NTN4: variants seen among roughly 807,000 people sequenced by gnomAD.
The protein encoded by NTN4 is netrin-4.
Under a neutral mutation model 73.6 loss-of-function variants are expected in NTN4, and 32 were observed. The observed-to-expected ratio is 0.44, with a 90% confidence interval of 0.33 to 0.58. The LOEUF is 0.58. Among genes scored for constraint, NTN4 ranks in the 20% least tolerant of loss-of-function variants. The pLI is 0.04. For synonymous variants in NTN4, 258 were observed against 287.5 expected (o/e 0.90, Z 1.04); for missense variants, 654 against 798.3 (o/e 0.82, Z 2.18).
At chr12:95,661,936 T>C (rs2078140835) in intron 9 of NTN4, among the ~76,000 whole-genome samples, 1 of 152,154 alleles carries the variant, frequency 6.6e-6, no homozygotes, top group Non-Finnish European at 1.5e-5. Flanking sequence ...GAGGACATTT[T>C]GGGATCAGTT....
At chr12:95,782,874 G>T (rs1008916526) in intron 2 of NTN4, among the ~76,000 whole-genome samples, 4 of 152,140 alleles carry the variant, frequency 2.6e-5, no homozygotes, top group East Asian at 3.9e-4. Context: ...GGCCACACTG[G>T]AACAGATGCT....
At chr12:95,674,869 A>C (rs2078260960) in intron 7 of NTN4, among the ~76,000 whole-genome samples, 1 of 152,210 alleles carries the variant, frequency 6.6e-6, no homozygotes, top group African/African-American at 2.4e-5. Flanking sequence ...TGGACATGAG[A>C]GTCTGCAGTC....
At chr12:95,659,521 C>G (rs751628533) in intron 9 of NTN4, among the ~76,000 whole-genome samples, 22 of 152,072 alleles carry the variant, frequency 1.4e-4, no homozygotes, top group Admixed American at 2.6e-4. Flanking sequence ...TGGTCTCGAG[C>G]TCCTGAACTC....
intron 3 of NTN4, among the ~76,000 whole-genome samples, chr12:95,721,030 C>G (rs1438681328): frequency 6.6e-6 from 1 of 152,180 alleles, no homozygotes; most frequent in African/African-American, 2.4e-5. Flanking sequence ...GGCCACAAAG[C>G]CAATAAGTGG....
intron 5 of NTN4, among the ~76,000 whole-genome samples, chr12:95,687,126 C>A (rs189092553): frequency 8.5e-4 from 129 of 152,294 alleles, no homozygotes; most frequent in Non-Finnish European, 1.4e-3. Flanking sequence ...ACTCTCTCCT[C>A]TAAGCTGCCT....
In NTN4 at chr12:95,788,299, C is replaced by T. The variant is rs188075814; in HGVS notation, c.56-831G>A. ...GTGTCTACAGTCTGGCAGCCACTAA[C>T]AGCACCTTTAAATATTATCTGTGAA... On this transcript the variant is annotated intron_variant, in intron 1 of 9. Coordinates refer to ENST00000343702, the MANE Select transcript of NTN4 (RefSeq NM_021229.4). 3.8e-3 allele frequency among the ~76,000 whole-genome samples: 580 copies of T among 152,306 alleles called. 5 individuals carry two copies. The highest frequency in any genetic ancestry group is 5.8e-3 in the Admixed American group (89 of 15,302).
intron 3 of NTN4, among the ~76,000 whole-genome samples, chr12:95,714,320 G>A (rs1213924896): frequency 1.3e-5 from 2 of 152,180 alleles, no homozygotes; most frequent in Non-Finnish European, 2.9e-5. Context: ...ATGATGTCAT[G>A]ACTGTACAAA....
intron 5 of NTN4, among the ~76,000 whole-genome samples, chr12:95,703,341 T>C (rs1463389598): frequency 6.6e-6 from 1 of 152,206 alleles, no homozygotes; most frequent in African/African-American, 2.4e-5. Flanking sequence ...ATTTGTAGGC[T>C]CTAGCACTTG....
intron 1 of NTN4, among the ~76,000 whole-genome samples, chr12:95,788,985 G>A (rs1044922225): frequency 6.6e-6 from 1 of 152,106 alleles, no homozygotes; most frequent in African/African-American, 2.4e-5. Flanking sequence ...AGAAGGAAAA[G>A]GTTTTTTTTA....
rs145070628 is a variant in NTN4 at position 95,761,399 on chromosome 12, C to A, written c.586-23255G>T. 4.8e-5 allele frequency among the ~76,000 whole-genome samples: 7 copies of A among 146,098 alleles called. No individual in the cohort carries two copies. In the East Asian group the frequency reaches 1.4e-3, roughly 30 times the overall value. On this transcript the variant is annotated intron_variant, in intron 2 of 9. Coordinates refer to ENST00000343702, the MANE Select transcript of NTN4 (RefSeq NM_021229.4). ...TGGATAGAGTGCAGTGGTGCGATCTCGGCTCATTGCAACCTCCACCTCCTG... is the reference window on the plus strand; with the variant it reads ...TGGATAGAGTGCAGTGGTGCGATCTAGGCTCATTGCAACCTCCACCTCCTG...
chr12:95,708,158 A>G (rs2078534043), intron 5 of NTN4, among the ~76,000 whole-genome samples: 1 of 152,140 alleles, frequency 6.6e-6, no homozygotes, highest in Non-Finnish European at 1.5e-5. Flanking sequence ...TTTGATCAAT[A>G]AAGAGTAGAA....
chr12:95,665,941 G>A lies in NTN4; in HGVS notation c.1619C>T (p.Thr540Ile), dbSNP rs1592807561. 1 of 1,613,050 alleles carries A rather than the reference G, an allele frequency of 6.2e-7. No homozygotes were observed. Residue 540 changes from threonine (T) to isoleucine (I), a missense_variant, in exon 9 of 10, where the codon ACT becomes ATT. Physicochemically the swap from Thr to Ile is moderately conservative, Grantham distance 89. Coordinates refer to ENST00000343702, the MANE Select transcript of NTN4 (RefSeq NM_021229.4). ...AATCTTCACATTGACCTCAACATGA[G>A]TACCTTTATCATGAGCTGATAAAAT... ...IKILSAHDKG[T>I]HVEVNVKIKK... is the part of the protein sequence containing the mutation.
At chr12:95,742,705 C>G (rs1319704244) in intron 2 of NTN4, among the ~76,000 whole-genome samples, 1 of 152,248 alleles carries the variant, frequency 6.6e-6, no homozygotes, top group Non-Finnish European at 1.5e-5. Context: ...TTGTTGTTGC[C>G]TATTTACTTG....
chr12:95,696,570 C>T (rs1192059089), intron 5 of NTN4, among the ~76,000 whole-genome samples: 1 of 152,132 alleles, frequency 6.6e-6, no homozygotes, highest in Non-Finnish European at 1.5e-5. Context: ...TTTAGCAAAT[C>T]ACTCACCTTT....
chr12:95,722,619 T>C (rs1027050094), intron 3 of NTN4, among the ~76,000 whole-genome samples: 11 of 151,772 alleles, frequency 7.2e-5, no homozygotes, highest in African/African-American at 2.7e-4. Flanking sequence ...CCAGACCTTG[T>C]CTCGAAAAAC....
intron 7 of NTN4, among the ~76,000 whole-genome samples, chr12:95,677,783 C>T (rs2078284122): frequency 6.6e-6 from 1 of 152,158 alleles, no homozygotes; most frequent in African/African-American, 2.4e-5. Context: ...TGTGGTGATT[C>T]CTCAAGGGTC....
In NTN4 at chr12:95,770,358, T is replaced by C. The variant is rs1014418089; in HGVS notation, c.585+16581A>G. Among the ~76,000 whole-genome samples the C allele has an allele frequency of 6.6e-5, 10 of 152,144 alleles. No homozygotes were observed. The East Asian group carries it at 1.9e-3, about 29-fold the overall frequency. On this transcript the variant is annotated intron_variant, in intron 2 of 9. Coordinates refer to ENST00000343702, the MANE Select transcript of NTN4 (RefSeq NM_021229.4). ...TTCATGATCATCAGAGAGGGAGCTA[T>C]GGTTACGAAAGGAAGAGTTTTGCGC...
chr12:95,787,292 C>T lies in NTN4; in HGVS notation c.232G>A (p.Asp78Asn). 1 of 1,614,226 alleles carries T rather than the reference C, an allele frequency of 6.2e-7. No individual in the cohort carries two copies. Among genetic ancestry groups the T allele is most frequent in the Non-Finnish European group, 8.5e-7 (1 of 1,180,034 alleles). ...TDLTCRQPKC[D>N]KCNAAYPHLA... ...TGAGGATAGGCAGCATTGCACTTGT[C>T]ACATTTGGGCTGCCGACAAGTCAGA... Residue 78 changes from aspartate (D) to asparagine (N), a missense_variant, in exon 2 of 10, where the codon GAC becomes AAC. Asp to Asn is a conservative substitution (Grantham distance 23, BLOSUM62 1). Transcript: ENST00000343702.
intron 2 of NTN4, among the ~76,000 whole-genome samples, chr12:95,780,826 A>G (rs2079127240): frequency 6.6e-6 from 1 of 152,252 alleles, no homozygotes. Flanking sequence ...ATTGTAAGTC[A>G]TGCTGCTATA....
Sources: allele counts gnomAD v4.1 joint callset (sites outside exome capture counted in the v4.1 genomes callset), GRCh38; gene constraint gnomAD v4.1.1; transcripts MANE v1.5; gene names NCBI Gene and HGNC (gene_info 2026-07-23, HGNC 2026-07-21).